The following C8orf34 variants were observed in gnomAD, a reference collection of about 807,000 sequenced individuals.
C8orf34 encodes uncharacterized protein C8orf34.
A neutral mutation model predicts 68.3 loss-of-function variants in C8orf34; 65 were observed. The ratio of observed to expected loss-of-function variants is 0.95; its 90% CI spans 0.78 to 1.17. The LOEUF (loss-of-function observed/expected upper bound fraction) is 1.17, where lower values mean the gene tolerates loss of function less well. Ranked by LOEUF, C8orf34 falls within the 50% of genes most tolerant of loss-of-function variation. C8orf34 has a pLI of 0.00. For missense variants in C8orf34, 664 were observed against 655.4 expected (o/e 1.01, Z -0.14); for synonymous variants, 244 against 241.2 (o/e 1.01, Z -0.11).
Position 68,348,713 on chromosome 8 carries a change from G to GT in C8orf34, c.327+17382dup, listed in dbSNP as rs537882075. ...TAGCTGTATTCCTAAGTATTTTATT[G>GT]TTTTTTTTGTGGCAATTGTGAATGG... On this transcript the variant is annotated intron_variant, in intron 1 of 13. Transcript: ENST00000518698. Among the ~76,000 whole-genome samples the GT allele has an allele frequency of 2.0e-3, 301 of 150,892 alleles. 1 individual carries two copies. Among genetic ancestry groups the GT allele is most frequent in the African/African-American group, 5.4e-3 (223 of 41,264 alleles).
chr8:68,499,458 G>A (rs1001232891), intron 5 of C8orf34, among the ~76,000 whole-genome samples: 9 of 152,022 alleles, frequency 5.9e-5, no homozygotes, highest in Admixed American at 1.3e-4. Context: ...ATAATAATCC[G>A]TATGTCCATA....
chr8:68,471,924 G>GAACACA (rs1358885989), intron 4 of C8orf34, among the ~76,000 whole-genome samples: 1 of 69,910 alleles, frequency 1.4e-5, no homozygotes, highest in Non-Finnish European at 2.8e-5. Flanking sequence ...AGACTTAAAT[G>GAACACA]AACACACACA....
At chr8:68,477,112 A>G (rs1372870025) in intron 4 of C8orf34, among the ~76,000 whole-genome samples, 1 of 152,178 alleles carries the variant, frequency 6.6e-6, no homozygotes, top group Non-Finnish European at 1.5e-5. Flanking sequence ...CTTAAGGTCC[A>G]TCCTAGTTGA....
At chr8:68,592,289 CTATT>C (rs1817413327) in intron 7 of C8orf34, among the ~76,000 whole-genome samples, 1 of 152,006 alleles carries the variant, frequency 6.6e-6, no homozygotes, top group Non-Finnish European at 1.5e-5. Context: ...TTTAGCATAT[CTATT>C]TATTCAACTT....
At chr8:68,467,152 T>C (rs1258579187) in intron 3 of C8orf34, among the ~76,000 whole-genome samples, 2 of 152,002 alleles carry the variant, frequency 1.3e-5, no homozygotes, top group Admixed American at 1.3e-4. Context: ...TCATACCTTG[T>C]GCTCCAAACT....
chr8:68,549,376 A>G (rs1268901920), intron 7 of C8orf34, among the ~76,000 whole-genome samples: 5 of 151,798 alleles, frequency 3.3e-5, no homozygotes, highest in Non-Finnish European at 4.4e-5. Flanking sequence ...AATCATAAGA[A>G]ATTTAAGAAC....
At chr8:68,342,648 TG>T (rs1157973798) in intron 1 of C8orf34, among the ~76,000 whole-genome samples, 1 of 152,200 alleles carries the variant, frequency 6.6e-6, no homozygotes, top group Non-Finnish European at 1.5e-5. Flanking sequence ...CCACTCGATT[TG>T]GGTGAGGTGT....
At chr8:68,499,461 T>A (rs1294957638) in intron 5 of C8orf34, among the ~76,000 whole-genome samples, 1 of 152,180 alleles carries the variant, frequency 6.6e-6, no homozygotes, top group Non-Finnish European at 1.5e-5. Context: ...ATAATCCGTA[T>A]GTCCATACTG....
At chr8:68,618,071 T>G (rs1818280055) in intron 7 of C8orf34, among the ~76,000 whole-genome samples, 1 of 152,130 alleles carries the variant, frequency 6.6e-6, no homozygotes, top group Admixed American at 6.6e-5. Context: ...AATTTAAAAT[T>G]CATCTTCAAA....
At position 68,801,895 on chromosome 8, in the gene C8orf34, TAA is replaced by T. The variant is rs76145523; in HGVS notation, c.1550-13979_1550-13978del. ...ACTGTGTTGTTTTTAATGCAGTAATTAAAAAAAAAAAAAGATTCTCATGTGCA... is the reference window on the plus strand; with the variant it reads ...ACTGTGTTGTTTTTAATGCAGTAATTAAAAAAAAAAAGATTCTCATGTGCA... On this transcript the variant is annotated intron_variant, in intron 12 of 13. Transcript: ENST00000518698. 1.3e-3 allele frequency among the ~76,000 whole-genome samples: 195 copies of T among 145,524 alleles called. 1 individual carries two copies. Among genetic ancestry groups the T allele is most frequent in the African/African-American group, 4.6e-3 (187 of 40,232 alleles).
chr8:68,488,973 T>C (rs796167467), intron 5 of C8orf34, among the ~76,000 whole-genome samples: 5 of 142,370 alleles, frequency 3.5e-5, no homozygotes, highest in African/African-American at 1.3e-4. Context: ...AAATTTAAAC[T>C]GATAACGAAT....
At chr8:68,747,069 G>T (rs1393703958) in intron 10 of C8orf34, among the ~76,000 whole-genome samples, 1 of 151,192 alleles carries the variant, frequency 6.6e-6, no homozygotes, top group East Asian at 1.9e-4. Context: ...GGGATGCAAG[G>T]CTGGTTCAAT....
chr8:68,742,571 G>C (rs1410626779), intron 10 of C8orf34, among the ~76,000 whole-genome samples: 3 of 152,092 alleles, frequency 2.0e-5, no homozygotes, highest in African/African-American at 7.2e-5. Flanking sequence ...GTACTTCTTT[G>C]TCTTTTGCTG....
chr8:68,458,450 A>T (rs181937355), intron 3 of C8orf34, among the ~76,000 whole-genome samples: 47 of 151,476 alleles, frequency 3.1e-4, no homozygotes, highest in Non-Finnish European at 6.0e-4. Context: ...ACTAGAATTT[A>T]AAAAAAACCA....
At chr8:68,697,013 G>T (rs765875929) in intron 8 of C8orf34, among the ~76,000 whole-genome samples, 1 of 151,742 alleles carries the variant, frequency 6.6e-6, no homozygotes, top group Non-Finnish European at 1.5e-5. Context: ...ATTTTCATGC[G>T]TATTTTTCTC....
intron 12 of C8orf34, among the ~76,000 whole-genome samples, chr8:68,788,665 C>A (rs1333569180): frequency 6.6e-6 from 1 of 152,146 alleles, no homozygotes; most frequent in Non-Finnish European, 1.5e-5. Flanking sequence ...TGGAGACCAT[C>A]CAGGCCAACA....
intron 8 of C8orf34, among the ~76,000 whole-genome samples, chr8:68,698,032 A>T (rs1046058662): frequency 6.6e-6 from 1 of 151,956 alleles, no homozygotes; most frequent in African/African-American, 2.4e-5. Context: ...GGTTTTCCGG[A>T]GTTCCTTTAT....
chr8:68,631,107 A>T (rs1482110819), intron 7 of C8orf34, among the ~76,000 whole-genome samples: 1 of 151,874 alleles, frequency 6.6e-6, no homozygotes, highest in African/African-American at 2.4e-5. Flanking sequence ...TCTACTAAAA[A>T]TACAAACATT....
At chr8:68,375,373 A>T (rs1226138436) in intron 1 of C8orf34, among the ~76,000 whole-genome samples, 1 of 152,260 alleles carries the variant, frequency 6.6e-6, no homozygotes, top group Non-Finnish European at 1.5e-5. Flanking sequence ...AAACAAGGGC[A>T]TGTTCAAAAG....
Sources: allele counts gnomAD v4.1 joint callset (sites outside exome capture counted in the v4.1 genomes callset), GRCh38; gene constraint gnomAD v4.1.1; transcripts MANE v1.5; gene names NCBI Gene and HGNC (gene_info 2026-07-23, HGNC 2026-07-21).